The following ZMPSTE24 variants were observed in gnomAD, a reference collection of about 807,000 sequenced individuals.
The protein encoded by ZMPSTE24 is zinc metallopeptidase STE24, also known as CAAX prenyl protease 1 homolog.
Under a neutral mutation model 56.7 loss-of-function variants are expected in ZMPSTE24, and 48 were observed. The ratio of observed to expected loss-of-function variants is 0.85; its 90% CI spans 0.67 to 1.08. The LOEUF is 1.08. ZMPSTE24 is among the 50% of genes least tolerant of loss of function. The pLI is 0.00. For synonymous variants in ZMPSTE24, 172 were observed against 195.2 expected, an observed-to-expected ratio of 0.88 and a Z score of 0.99; for missense variants, 503 against 548.7, an observed-to-expected ratio of 0.92 and a Z score of 0.83.
intron 4 of ZMPSTE24, among the ~76,000 whole-genome samples, chr1:40,268,778 T>TA (rs778660157): frequency 2.2e-4 from 33 of 149,372 alleles, no homozygotes; most frequent in East Asian, 1.2e-3. Flanking sequence ...ACACTGATTT[T>TA]AAAAAAAAAA....
intron 5 of ZMPSTE24, 60 bp from the exon 6 acceptor site, chr1:40,271,834 A>G (rs1643616562): frequency 1.9e-6 from 3 of 1,567,072 alleles, no homozygotes; most frequent in Admixed American, 3.4e-5. Context: ...AATCTGTATA[A>G]TAAAGAATGT....
chr1:40,272,387 T>C (rs911311019), intron 6 of ZMPSTE24, among the ~76,000 whole-genome samples: 3 of 152,214 alleles, frequency 2.0e-5, no homozygotes, highest in African/African-American at 7.2e-5. Context: ...CTAGTTCTTT[T>C]AGGTAGTTAA....
chr1:40,286,291 C>G (rs2124593631), intron 8 of ZMPSTE24, among the ~76,000 whole-genome samples: 1 of 152,276 alleles, frequency 6.6e-6, no homozygotes, highest in Middle Eastern at 3.4e-3. Context: ...TTTAGACTAG[C>G]ACCTGGAACA....
chr1:40,290,815 C>T, intron 8 of ZMPSTE24, 39 bp from the exon 9 acceptor site: 1 of 1,608,690 alleles, frequency 6.2e-7, no homozygotes, highest in East Asian at 2.2e-5. Context: ...GTGAAATCAG[C>T]TTGGTAATAA....
intron 5 of ZMPSTE24, among the ~76,000 whole-genome samples, chr1:40,271,115 A>C (rs1007596807): frequency 6.6e-6 from 1 of 152,146 alleles, no homozygotes; most frequent in Non-Finnish European, 1.5e-5. Context: ...TACAGTGGCT[A>C]TTTCACAGGC....
chr1:40,259,506 C>T (rs1054162840), intron 1 of ZMPSTE24: 2 of 152,216 alleles, frequency 1.3e-5, no homozygotes, highest in African/African-American at 4.8e-5. Flanking sequence ...TCTCCTGCCT[C>T]AGCATCCCGA....
chr1:40,290,536 C>T (rs1643830782), intron 8 of ZMPSTE24: 2 of 251,384 alleles, frequency 8.0e-6, no homozygotes, highest in African/African-American at 2.9e-5. Context: ...TTTCAGCTCA[C>T]TGCAAGCTCC....
intron 6 of ZMPSTE24, 24 bp downstream of exon 6, chr1:40,272,059 A>G: frequency 6.3e-7 from 1 of 1,574,848 alleles, no homozygotes; most frequent in Non-Finnish European, 8.6e-7. Flanking sequence ...GGGATAAGAA[A>G]GTTTTATCCA....
intron 8 of ZMPSTE24, among the ~76,000 whole-genome samples, chr1:40,289,909 A>G (rs1028613354): frequency 2.6e-5 from 4 of 152,154 alleles, no homozygotes; most frequent in African/African-American, 9.7e-5. Flanking sequence ...TTACAGTGTT[A>G]TAAAACAAGG....
chr1:40,259,171 T>C (rs571962358), intron 1 of ZMPSTE24, among the ~76,000 whole-genome samples: 80 of 152,116 alleles, frequency 5.3e-4, no homozygotes, highest in African/African-American at 1.9e-3. Context: ...AATAAATAAA[T>C]AAATGAAATT....
chr1:40,279,387 A>G (rs958122336), intron 6 of ZMPSTE24, among the ~76,000 whole-genome samples: 17 of 152,204 alleles, frequency 1.1e-4, no homozygotes, highest in Middle Eastern at 3.2e-3. Context: ...TTGAATCCTT[A>G]TAACTAGGCT....
chr1:40,270,084 A>C lies in ZMPSTE24; in HGVS notation c.584A>C (p.Tyr195Ser), dbSNP rs766996332. 1 of 1,613,520 alleles carries C rather than the reference A, an allele frequency of 6.2e-7. No individual in the cohort carries two copies. The highest frequency in any genetic ancestry group is 8.5e-7 in the Non-Finnish European group (1 of 1,179,884). Reference sequence around the variant, plus strand: ...TACATTATTAAAATTGGGGGTGACTATTTTTTTATTTATGCCTGGCTGTTC... The same window carrying C: ...TACATTATTAAAATTGGGGGTGACTCTTTTTTTATTTATGCCTGGCTGTTC... ...LLYIIKIGGD[Y>S]FFIYAWLFTL... Residue 195 changes from tyrosine (Y) to serine (S), a missense_variant, in exon 5 of 10, where the codon TAT (tyrosine) becomes TCT (serine). Tyr to Ser is a moderately radical substitution (Grantham distance 144). Transcript: ENST00000372759.
chr1:40,265,020 C>T (rs2124578682), intron 2 of ZMPSTE24, among the ~76,000 whole-genome samples: 1 of 151,822 alleles, frequency 6.6e-6, no homozygotes, highest in Admixed American at 6.6e-5. Flanking sequence ...AGACATTGTA[C>T]AGTTCACCAT....
At chr1:40,280,724 T>C (rs1470684316) in intron 6 of ZMPSTE24, among the ~76,000 whole-genome samples, 1 of 152,168 alleles carries the variant, frequency 6.6e-6, no homozygotes, top group African/African-American at 2.4e-5. Context: ...CTGCACCCAG[T>C]TGAATTTGCT....
intron 9 of ZMPSTE24, among the ~76,000 whole-genome samples, chr1:40,291,671 G>T (rs780414945): frequency 1.3e-5 from 2 of 152,000 alleles, no homozygotes; most frequent in Non-Finnish European, 2.9e-5. Context: ...ATTCTTTCTT[G>T]GGATAGATTG....
At chr1:40,274,534 A>G (rs2284446) in intron 6 of ZMPSTE24, among the ~76,000 whole-genome samples, 12,706 of 152,290 alleles carry the variant, frequency 0.083, 669 homozygotes, top group East Asian at 0.23. Context: ...AAGATGTTCA[A>G]GGACCATGAA....
At chr1:40,289,810 A>G (rs1643821858) in intron 8 of ZMPSTE24, among the ~76,000 whole-genome samples, 1 of 152,180 alleles carries the variant, frequency 6.6e-6, no homozygotes, top group Non-Finnish European at 1.5e-5. Flanking sequence ...ACTATCTGGT[A>G]CAGCTCCAGT....
intron 4 of ZMPSTE24, among the ~76,000 whole-genome samples, chr1:40,269,168 G>A (rs1223497651): frequency 2.0e-5 from 3 of 151,944 alleles, no homozygotes; most frequent in African/African-American, 7.2e-5. Context: ...AGGCTAAGGC[G>A]GGAGGATCAC....
chr1:40,259,001 T>C (rs1643468689), intron 1 of ZMPSTE24, among the ~76,000 whole-genome samples: 1 of 151,828 alleles, frequency 6.6e-6, no homozygotes, highest in Admixed American at 6.6e-5. Flanking sequence ...CTACTAAAAA[T>C]AGAAAAATTA....
Sources: allele counts gnomAD v4.1 joint callset (sites outside exome capture counted in the v4.1 genomes callset), GRCh38; gene constraint gnomAD v4.1.1; transcripts MANE v1.5; gene names NCBI Gene and HGNC (gene_info 2026-07-23, HGNC 2026-07-21).